SYT9: variants seen among roughly 807,000 people sequenced by gnomAD.
The protein encoded by SYT9 is synaptotagmin-9.
In SYT9, 22 loss-of-function variants were observed where a neutral mutation model predicts 48.4. The observed-to-expected ratio is 0.45, with a 90% confidence interval of 0.32 to 0.65. SYT9 has a LOEUF of 0.65. SYT9 is among the 30% of genes least tolerant of loss of function. SYT9 has a pLI of 0.03. For missense variants in SYT9, 577 were observed against 622.0 expected (o/e 0.93, Z 0.77); for synonymous variants, 265 against 245.0 (o/e 1.08, Z -0.76).
At chr11:7,465,298 T>A (rs1848311725) in intron 6 of SYT9, among the ~76,000 whole-genome samples, 1 of 152,202 alleles carries the variant, frequency 6.6e-6, no homozygotes, top group Non-Finnish European at 1.5e-5. Flanking sequence ...TGGTTTCCCT[T>A]TGCAGTGAAC....
chr11:7,261,381 T>C (rs1454420876), intron 1 of SYT9, among the ~76,000 whole-genome samples: 2 of 152,122 alleles, frequency 1.3e-5, no homozygotes, highest in Admixed American at 1.3e-4. Context: ...ATGCCAGTTA[T>C]TTGCTCACCA....
At chr11:7,452,150 G>A (rs11041387) in intron 6 of SYT9, among the ~76,000 whole-genome samples, 1 of 120,706 alleles carries the variant, frequency 8.3e-6, no homozygotes, top group Non-Finnish European at 1.8e-5. Context: ...CACACACACT[G>A]AGGAAAAACA....
intron 6 of SYT9, among the ~76,000 whole-genome samples, chr11:7,423,916 A>T (rs1467510528): frequency 6.6e-6 from 1 of 152,224 alleles, no homozygotes; most frequent in Non-Finnish European, 1.5e-5. Context: ...TTAAAACAAA[A>T]ACCAGCAATT....
At chr11:7,275,292 C>G (rs968260378) in intron 1 of SYT9, among the ~76,000 whole-genome samples, 31 of 152,124 alleles carry the variant, frequency 2.0e-4, no homozygotes, top group African/African-American at 7.2e-4. Flanking sequence ...TTTCCTCCCC[C>G]ACCTTCTCCA....
At chr11:7,264,943 G>T (rs1848150770) in intron 1 of SYT9, among the ~76,000 whole-genome samples, 1 of 152,128 alleles carries the variant, frequency 6.6e-6, no homozygotes, top group Non-Finnish European at 1.5e-5. Context: ...TGGTGTAGTG[G>T]TGTGTTCAGA....
Position 7,463,457 on chromosome 11 carries a change from T to G in SYT9, c.1468-3335T>G. Among the ~76,000 whole-genome samples the G allele has an allele frequency of 1.7e-5, 2 of 115,420 alleles. 1 individual carries two copies. The allele number at this position is 115,420 out of a possible 152,430, so 75.7% of individuals were successfully genotyped here. On this transcript the variant is annotated intron_variant, in intron 6 of 6. Transcript: ENST00000318881. ...CTTATTTTGTTTGATTTGGTTGAGA[T>G]TTTCTAGTCTTCCCCCAACAGAAGC... is the stretch of plus-strand genomic sequence containing the variant.
chr11:7,387,090 T>G (rs1170093403), intron 3 of SYT9, among the ~76,000 whole-genome samples: 2 of 152,126 alleles, frequency 1.3e-5, no homozygotes, highest in Admixed American at 6.5e-5. Flanking sequence ...TAGGTTGGAA[T>G]TGAACAATGA....
chr11:7,261,812 T>C (rs1346153387), intron 1 of SYT9, among the ~76,000 whole-genome samples: 1 of 151,908 alleles, frequency 6.6e-6, no homozygotes, highest in Non-Finnish European at 1.5e-5. Flanking sequence ...TGTAGTGAGG[T>C]TGGCAAAAAG....
At chr11:7,373,138 T>TTA (rs1850392685) in intron 3 of SYT9, among the ~76,000 whole-genome samples, 1 of 152,114 alleles carries the variant, frequency 6.6e-6, no homozygotes, top group Non-Finnish European at 1.5e-5. Flanking sequence ...CATTAATACA[T>TTA]TATATAGTAT....
At chr11:7,385,370 G>GTGCA (rs200553365) in intron 3 of SYT9, among the ~76,000 whole-genome samples, 2 of 125,304 alleles carry the variant, frequency 1.6e-5, no homozygotes, top group African/African-American at 5.7e-5. Flanking sequence ...GTGTGTGTGT[G>GTGCA]CGTGTGTGTC....
intron 3 of SYT9, among the ~76,000 whole-genome samples, chr11:7,329,685 A>T (rs1849494239): frequency 6.6e-6 from 1 of 152,256 alleles, no homozygotes; most frequent in Non-Finnish European, 1.5e-5. Context: ...AAGTAATGAA[A>T]GCATATTTTT....
At chr11:7,334,141 C>G (rs564217402) in intron 3 of SYT9, among the ~76,000 whole-genome samples, 66 of 152,182 alleles carry the variant, frequency 4.3e-4, no homozygotes, top group African/African-American at 1.4e-3. Flanking sequence ...AAGACAGGAA[C>G]AGTTTTGGCA....
chr11:7,439,029 C>T (rs1847771951), intron 6 of SYT9: 1 of 152,244 alleles, frequency 6.6e-6, no homozygotes, highest in Non-Finnish European at 1.5e-5. Flanking sequence ...CCTCCCTCCA[C>T]TCAGAAAGGA....
chr11:7,369,824 A>C (rs1340343649), intron 3 of SYT9, among the ~76,000 whole-genome samples: 5 of 109,920 alleles, frequency 4.5e-5, no homozygotes, highest in African/African-American at 1.8e-4. Flanking sequence ...CACACACACA[A>C]AGACATCACA....
At chr11:7,286,006 G>T (rs1589914596) in intron 1 of SYT9, among the ~76,000 whole-genome samples, 1 of 152,278 alleles carries the variant, frequency 6.6e-6, no homozygotes, top group Non-Finnish European at 1.5e-5. Context: ...TAGTGCCTGT[G>T]GCTTTTCCAG....
intron 6 of SYT9, among the ~76,000 whole-genome samples, chr11:7,464,233 C>T (rs1306407205): frequency 6.6e-6 from 1 of 152,164 alleles, no homozygotes; most frequent in East Asian, 1.9e-4. Flanking sequence ...ATGGGATAAG[C>T]AGCTAGGAAA....
chr11:7,269,937 T>C (rs1237374432), intron 1 of SYT9, among the ~76,000 whole-genome samples: 1 of 152,162 alleles, frequency 6.6e-6, no homozygotes, highest in Non-Finnish European at 1.5e-5. Flanking sequence ...AAAGACAAGG[T>C]TGACAGATTC....
At position 7,334,625 on chromosome 11, in the gene SYT9, C is replaced by T. The variant is rs372567178; in HGVS notation, c.1044+20684C>T. On this transcript the variant is annotated intron_variant, in intron 3 of 6. Coordinates refer to ENST00000318881, the MANE Select transcript of SYT9 (RefSeq NM_175733.4). ...TGCCTGTACCCCTTTGTAACCTCTC[C>T]TGCCTCCACTCCCTGCCACCCATCC... is the stretch of plus-strand genomic sequence containing the variant. Among the ~76,000 whole-genome samples, 7 of 67,118 alleles carry T rather than the reference C, an allele frequency of 1.0e-4. No individual in the cohort carries two copies. The East Asian group carries it at 4.6e-3, about 44-fold the overall frequency. The allele number at this position is 67,118 out of a possible 152,430, so 44.0% of individuals were successfully genotyped here. A position where few individuals can be genotyped will look rare whatever the true frequency, so the allele number is the denominator to read the frequency against.
intron 3 of SYT9, among the ~76,000 whole-genome samples, chr11:7,410,468 G>A (rs1847115619): frequency 6.6e-6 from 1 of 152,190 alleles, no homozygotes; most frequent in Non-Finnish European, 1.5e-5. Flanking sequence ...TTTTATGGGA[G>A]TCTGTCTCTC....
Sources: allele counts gnomAD v4.1 joint callset (sites outside exome capture counted in the v4.1 genomes callset), GRCh38; gene constraint gnomAD v4.1.1; transcripts MANE v1.5; gene names NCBI Gene and HGNC (gene_info 2026-07-23, HGNC 2026-07-21).